The following PRKG1 variants were observed in gnomAD, a reference collection of about 807,000 sequenced individuals.
PRKG1 encodes protein kinase cGMP-dependent 1, also known as cGMP-dependent protein kinase 1.
Under a neutral mutation model 88.1 loss-of-function variants are expected in PRKG1, and 35 were observed. The ratio of observed to expected loss-of-function variants is 0.40; its 90% CI spans 0.30 to 0.53. PRKG1 has a LOEUF of 0.53. PRKG1 is among the 20% of genes least tolerant of loss of function. The probability of loss-of-function intolerance (pLI) is 0.59; values close to 1 mark genes in which losing one functional copy is unlikely to be tolerated. For missense variants in PRKG1, 540 were observed against 839.8 expected (o/e 0.64, Z 4.41); for synonymous variants, 303 against 292.5 (o/e 1.04, Z -0.37).
chr10:52,149,678 G>A (rs750611093), intron 8 of PRKG1, among the ~76,000 whole-genome samples: 1 of 150,648 alleles, frequency 6.6e-6, no homozygotes, highest in Non-Finnish European at 1.5e-5. Context: ...CTCCTTGATC[G>A]TGGACTTCCA....
chr10:51,440,783 T>C (rs571946568), intron 2 of PRKG1, among the ~76,000 whole-genome samples: 60 of 152,004 alleles, frequency 3.9e-4, no homozygotes, highest in African/African-American at 1.4e-3. Flanking sequence ...TTAAAAAATC[T>C]TTGTGGAGAA....
chr10:52,142,950 A>C (rs1837623110), intron 8 of PRKG1, among the ~76,000 whole-genome samples: 1 of 152,188 alleles, frequency 6.6e-6, no homozygotes, highest in Admixed American at 6.6e-5. Flanking sequence ...TATAATAAGC[A>C]CCTACTATCT....
intron 2 of PRKG1, among the ~76,000 whole-genome samples, chr10:51,447,028 A>T (rs1204697492): frequency 6.6e-6 from 1 of 152,000 alleles, no homozygotes; most frequent in East Asian, 1.9e-4. Flanking sequence ...TTCAGAATTC[A>T]TGTTTTCAGA....
At chr10:52,156,357 A>G (rs750933808) in intron 8 of PRKG1, among the ~76,000 whole-genome samples, 15 of 151,940 alleles carry the variant, frequency 9.9e-5, no homozygotes, top group Non-Finnish European at 2.1e-4. Context: ...CGTTCGTATT[A>G]TAAGTCTTTG....
intron 4 of PRKG1, among the ~76,000 whole-genome samples, chr10:51,835,083 C>A (rs533236124): frequency 2.3e-4 from 35 of 152,284 alleles, no homozygotes; most frequent in Non-Finnish European, 4.6e-4. Flanking sequence ...CAGATTAACA[C>A]CCTCAGATAG....
At chr10:51,192,597 G>T (rs1417529186) in intron 2 of PRKG1, among the ~76,000 whole-genome samples, 2 of 151,766 alleles carry the variant, frequency 1.3e-5, no homozygotes, top group Admixed American at 6.6e-5. Context: ...AAAATAATCT[G>T]ATTAAAACAT....
At chr10:51,463,716 G>A (rs1162453678) in intron 2 of PRKG1, among the ~76,000 whole-genome samples, 7 of 152,124 alleles carry the variant, frequency 4.6e-5, no homozygotes, top group Non-Finnish European at 1.0e-4. Context: ...GCTACAAGAC[G>A]GGTGAGAGGC....
In PRKG1 at chr10:51,125,768, T is replaced by G. The variant is rs1288235820; in HGVS notation, c.312-27396T>G. ...AATATCTACATATAAAAATTATATA[T>G]TTTTAATTTAATTATATAAATATAT... On this transcript the variant is annotated intron_variant, in intron 1 of 17. Transcript: ENST00000373980. Among the ~76,000 whole-genome samples, 5 of 145,380 alleles carry G rather than the reference T, an allele frequency of 3.4e-5. No homozygotes were observed. The East Asian group carries it at 9.9e-4, about 29-fold the overall frequency.
chr10:52,217,871 A>C (rs1312978216), intron 9 of PRKG1, among the ~76,000 whole-genome samples: 1 of 152,112 alleles, frequency 6.6e-6, no homozygotes, highest in African/African-American at 2.4e-5. Context: ...TGAAACTCCT[A>C]TTTTATCTCT....
chr10:51,230,104 C>A (rs929869846), intron 2 of PRKG1, among the ~76,000 whole-genome samples: 13 of 151,972 alleles, frequency 8.6e-5, no homozygotes, highest in African/African-American at 3.1e-4. Flanking sequence ...AAACTAGAAA[C>A]TAAATGTTCA....
At position 52,002,620 on chromosome 10, in the gene PRKG1, A is replaced by G. The variant is rs1844627939; in HGVS notation, c.763-51864A>G. 2.0e-5 allele frequency among the ~76,000 whole-genome samples: 3 copies of G among 152,226 alleles called. No homozygotes were observed. The South Asian group carries it at 6.2e-4, about 32-fold the overall frequency. Reference sequence around the variant, plus strand: ...AGAGAATCTATCCCTGAGTTTTTATATTACTAATTATTGAGTGGCAGCTTT... The same window carrying G: ...AGAGAATCTATCCCTGAGTTTTTATGTTACTAATTATTGAGTGGCAGCTTT... On this transcript the variant is annotated intron_variant, in intron 5 of 17. Transcript: ENST00000373980.
intron 3 of PRKG1, among the ~76,000 whole-genome samples, chr10:51,554,345 A>G (rs1192851119): frequency 2.1e-5 from 3 of 146,080 alleles, no homozygotes; most frequent in African/African-American, 7.4e-5. Flanking sequence ...TATTATATAC[A>G]CATATATAAT....
intron 1 of PRKG1, among the ~76,000 whole-genome samples, chr10:51,089,480 G>T (rs1844345196): frequency 6.6e-6 from 1 of 152,104 alleles, no homozygotes; most frequent in African/African-American, 2.4e-5. Flanking sequence ...TTTTAACTAG[G>T]TGCTTGCCTC....
intron 1 of PRKG1, among the ~76,000 whole-genome samples, chr10:51,110,875 C>A (rs1397209748): frequency 1.3e-5 from 2 of 151,988 alleles, no homozygotes; most frequent in East Asian, 3.8e-4. Flanking sequence ...GATAGCTGAG[C>A]AAATGGGAAG....
At chr10:51,773,462 G>A (rs1054567788) in intron 3 of PRKG1, among the ~76,000 whole-genome samples, 1 of 152,008 alleles carries the variant, frequency 6.6e-6, no homozygotes, top group African/African-American at 2.4e-5. Flanking sequence ...GTTTGTGACT[G>A]TAATTGTATC....
At chr10:51,926,171 A>C (rs1842570476) in intron 5 of PRKG1, among the ~76,000 whole-genome samples, 1 of 152,224 alleles carries the variant, frequency 6.6e-6, no homozygotes, top group Non-Finnish European at 1.5e-5. Flanking sequence ...GAAAAAATTT[A>C]ATGTGGTCAG....
chr10:51,598,320 C>G (rs1269374667), intron 3 of PRKG1, among the ~76,000 whole-genome samples: 1 of 152,180 alleles, frequency 6.6e-6, no homozygotes, highest in East Asian at 1.9e-4. Context: ...ATCACCCAGG[C>G]TGCAGTGCAA....
rs568152188 is a variant in PRKG1 at position 51,122,669 on chromosome 10, G to A, written c.312-30495G>A. Among the ~76,000 whole-genome samples the A allele has an allele frequency of 2.1e-4, 32 of 152,272 alleles. No individual in the cohort carries two copies. In the South Asian group the frequency reaches 5.8e-3, roughly 28 times the overall value. On this transcript the variant is annotated intron_variant, in intron 1 of 17. Coordinates refer to ENST00000373980, the MANE Select transcript of PRKG1 (RefSeq NM_006258.4). ...CTTCTAAGAAAGAAAAAAGCAGCCAGTGACATCCAGCAACTGATCTGATGC... is the reference window on the plus strand; with the variant it reads ...CTTCTAAGAAAGAAAAAAGCAGCCAATGACATCCAGCAACTGATCTGATGC...
intron 2 of PRKG1, among the ~76,000 whole-genome samples, chr10:51,181,581 T>G (rs924405657): frequency 3.3e-5 from 5 of 152,186 alleles, no homozygotes; most frequent in Non-Finnish European, 7.3e-5. Flanking sequence ...GGAGTTTTTC[T>G]TATTTTAGAT....
Sources: allele counts gnomAD v4.1 joint callset (sites outside exome capture counted in the v4.1 genomes callset), GRCh38; gene constraint gnomAD v4.1.1; transcripts MANE v1.5; gene names NCBI Gene and HGNC (gene_info 2026-07-23, HGNC 2026-07-21).